MARK3: variants seen among roughly 807,000 people sequenced by gnomAD.
MARK3 encodes MAP/microtubule affinity-regulating kinase 3.
MARK3 carries 46 observed loss-of-function variants against 90.1 expected under a neutral mutation model. The ratio of observed to expected loss-of-function variants is 0.51; its 90% CI spans 0.40 to 0.65. MARK3 has a LOEUF of 0.65. MARK3 is among the 30% of genes least tolerant of loss of function. The pLI is 0.00. For missense variants in MARK3, 818 were observed against 947.2 expected (o/e 0.86, Z 1.79); for synonymous variants, 321 against 332.6 (o/e 0.97, Z 0.38).
At position 103,405,282 on chromosome 14, in the gene MARK3, T is replaced by C. The variant is rs1001634148; in HGVS notation, c.243+15T>C. 1 of 1,493,730 alleles carries C rather than the reference T, an allele frequency of 6.7e-7. No individual in the cohort carries two copies. The highest frequency in any genetic ancestry group is 1.4e-5 in the African/African-American group (1 of 70,180). The allele number at this position is 1,493,730 out of a possible 1,614,324, so 92.5% of individuals were successfully genotyped here. ...CAGGCAGAGAGGTAAATACCAGTTA[T>C]GCTTATTTCTGTTATGACAGTTGCT... On this transcript the variant is annotated intron_variant, in intron 2 of 17. Coordinates refer to ENST00000429436, the MANE Select transcript of MARK3 (RefSeq NM_001128918.3).
At chr14:103,460,155 G>A (rs1353854781) in intron 6 of MARK3, among the ~76,000 whole-genome samples, 1 of 124,828 alleles carries the variant, frequency 8.0e-6, no homozygotes, top group African/African-American at 3.0e-5. Context: ...GCGCGATCTC[G>A]GCTCACTGCA....
rs1300011039 is a variant in MARK3, at chr14:103,437,475, A to G, written c.297+9035A>G. Among the ~76,000 whole-genome samples the G allele has an allele frequency of 3.3e-5, 5 of 152,206 alleles. No homozygotes were observed. In the East Asian group the frequency reaches 9.6e-4, roughly 29 times the overall value. On this transcript the variant is annotated intron_variant, in intron 3 of 17. Transcript: ENST00000429436. The stretch of plus-strand genomic sequence containing the variant: ...TGTTTGTTTTTAGAATTGAGGTCTC[A>G]CTATCTTGCCCAAGCTGGTCTCAGA...
chr14:103,440,565 A>C (rs1027392902), intron 3 of MARK3, among the ~76,000 whole-genome samples: 4 of 152,114 alleles, frequency 2.6e-5, no homozygotes, highest in Admixed American at 2.6e-4. Flanking sequence ...GCGCCACTGC[A>C]CTCCAGCCTG....
At chr14:103,459,349 A>G (rs1242065387) in intron 6 of MARK3, among the ~76,000 whole-genome samples, 1 of 152,174 alleles carries the variant, frequency 6.6e-6, no homozygotes, top group Non-Finnish European at 1.5e-5. Context: ...GATGGTTTGT[A>G]TGTATGTGTT....
intron 6 of MARK3, among the ~76,000 whole-genome samples, chr14:103,460,073 C>CTTTTTTTTTTTTTTTTTTTTTTTTTG (rs2093365359): frequency 2.4e-5 from 1 of 41,704 alleles, no homozygotes. Context: ...CCAGCTCCAT[C>CTTTTTTTTTTTTTTTTTTTTTTTTTG]TTTTTTTTTT....
intron 3 of MARK3, among the ~76,000 whole-genome samples, chr14:103,443,279 C>T (rs1197402070): frequency 1.3e-5 from 2 of 152,202 alleles, no homozygotes; most frequent in Non-Finnish European, 2.9e-5. Context: ...ACTGTGAGTA[C>T]ATACTCTGCC....
chr14:103,420,529 C>G (rs1195547037), intron 2 of MARK3, among the ~76,000 whole-genome samples: 3 of 152,142 alleles, frequency 2.0e-5, no homozygotes, highest in Admixed American at 6.5e-5. Context: ...CCACACCTGG[C>G]CAACACTTTT....
At chr14:103,410,969 C>T (rs374284909) in intron 2 of MARK3, among the ~76,000 whole-genome samples, 14 of 152,018 alleles carry the variant, frequency 9.2e-5, no homozygotes, top group South Asian at 2.1e-4. Flanking sequence ...AGATTTGTCC[C>T]GTGACTTAAA....
At chr14:103,486,028 C>T (rs1000972490) in intron 14 of MARK3, among the ~76,000 whole-genome samples, 1 of 152,060 alleles carries the variant, frequency 6.6e-6, no homozygotes, top group Non-Finnish European at 1.5e-5. Context: ...TGATGGCTCA[C>T]GCCACCATGT....
At chr14:103,485,063 C>A (rs8012140) in intron 14 of MARK3, among the ~76,000 whole-genome samples, 115 of 97,684 alleles carry the variant, frequency 1.2e-3, no homozygotes, top group Admixed American at 1.8e-3. Flanking sequence ...ACTAAAAATA[C>A]AAAAAAAAAA....
chr14:103,404,342 G>A (rs184948885), intron 1 of MARK3, among the ~76,000 whole-genome samples: 24 of 152,274 alleles, frequency 1.6e-4, no homozygotes, highest in Non-Finnish European at 2.8e-4. Flanking sequence ...AGCCACAATG[G>A]GGAAAGGATT....
intron 13 of MARK3, among the ~76,000 whole-genome samples, chr14:103,476,930 T>A (rs779509379): frequency 1.1e-4 from 16 of 152,232 alleles, no homozygotes; most frequent in Non-Finnish European, 1.8e-4. Context: ...CTCCAACGTT[T>A]GTTGACAGTT....
chr14:103,407,644 T>C (rs1356215873), intron 2 of MARK3, among the ~76,000 whole-genome samples: 1 of 132,336 alleles, frequency 7.6e-6, no homozygotes, highest in Admixed American at 8.7e-5. Flanking sequence ...CCCTGTAACC[T>C]CCGCCTCCTG....
intron 2 of MARK3, among the ~76,000 whole-genome samples, chr14:103,407,122 G>T (rs1419221626): frequency 6.6e-6 from 1 of 152,174 alleles, no homozygotes; most frequent in Admixed American, 6.5e-5. Context: ...GAGCCACCAC[G>T]CCTGGCCCAT....
chr14:103,491,237 T>G (rs2094010326), intron 14 of MARK3: 1 of 580,356 alleles, frequency 1.7e-6, no homozygotes, highest in African/African-American at 2.0e-5. Context: ...GTGATTTTAG[T>G]TAAGCACATC....
intron 17 of MARK3, among the ~76,000 whole-genome samples, chr14:103,501,304 G>A (rs2075651632): frequency 6.6e-6 from 1 of 152,202 alleles, no homozygotes; most frequent in Non-Finnish European, 1.5e-5. Flanking sequence ...CCAGCCAGGA[G>A]CAGGCTCTAG....
chr14:103,477,349 G>A (rs1201573105), intron 13 of MARK3, among the ~76,000 whole-genome samples: 4 of 152,004 alleles, frequency 2.6e-5, no homozygotes, highest in South Asian at 2.1e-4. Context: ...AAAATTAGCC[G>A]GGTATAGTGG....
At chr14:103,417,553 T>C (rs2092000665) in intron 2 of MARK3, 1 of 152,210 alleles carries the variant, frequency 6.6e-6, no homozygotes, top group Non-Finnish European at 1.5e-5. Context: ...AGGGTTAGTC[T>C]TCATTCATTG....
intron 2 of MARK3, among the ~76,000 whole-genome samples, chr14:103,423,839 A>T (rs1036711963): frequency 2.0e-5 from 3 of 152,236 alleles, no homozygotes; most frequent in Non-Finnish European, 4.4e-5. Flanking sequence ...GTTAAGCTGA[A>T]TGAAACATAT....
Sources: allele counts gnomAD v4.1 joint callset (sites outside exome capture counted in the v4.1 genomes callset), GRCh38; gene constraint gnomAD v4.1.1; transcripts MANE v1.5; gene names NCBI Gene and HGNC (gene_info 2026-07-23, HGNC 2026-07-21).